Variants in SIGLEC8 observed in about 807,000 individuals in gnomAD.
SIGLEC8 encodes sialic acid binding Ig like lectin 8.
In SIGLEC8, 32 loss-of-function variants were observed where a neutral mutation model predicts 42.1. The ratio of observed to expected loss-of-function variants is 0.76; its 90% CI spans 0.57 to 1.02. The LOEUF (loss-of-function observed/expected upper bound fraction) is 1.02. SIGLEC8 is among the 50% of genes least tolerant of loss of function. SIGLEC8 has a pLI of 0.00. For synonymous variants in SIGLEC8, 262 were observed against 260.3 expected (o/e 1.01, Z -0.06); for missense variants, 611 against 610.2 (o/e 1.00, Z -0.01).
chr19:51,454,561 G>A lies in SIGLEC8; in HGVS notation c.1148+123C>T, dbSNP rs541817914. Reference sequence around the variant, plus strand: ...CTCGTGAAATGCTCACCGTGCACCCGTGAGCTCATTCTTGCCCCAAGCCCT... The same window carrying A: ...CTCGTGAAATGCTCACCGTGCACCCATGAGCTCATTCTTGCCCCAAGCCCT... On this transcript the variant is annotated intron_variant, in intron 5 of 6. Coordinates refer to ENST00000321424, the MANE Select transcript of SIGLEC8 (RefSeq NM_014442.3). This position sits in a 1 kb window ranked among gnomAD's most constrained non-coding sequence, Gnocchi z 4.7. 2.7e-5 allele frequency: 28 copies of A among 1,040,292 alleles called. No homozygotes were observed. The African/African-American group carries it at 3.2e-4, about 12-fold the overall frequency. 64.4% of individuals were successfully genotyped at this position (1,040,292 alleles called of 1,614,324 possible). A position where few individuals can be genotyped will look rare whatever the true frequency, so the allele number is the denominator to read the frequency against.
Position 51,452,327 on chromosome 19 carries a change from T to TG in SIGLEC8, c.*51dup. The stretch of plus-strand genomic sequence containing the variant: ...TTGGTTAGACAGGAGGAGGGAGCCC[T>TG]GGTGACCTACTGCATAGCATGGGGC... On this transcript the variant is annotated 3_prime_UTR_variant, in exon 7 of 7. Transcript: ENST00000321424. 6.8e-7 allele frequency: 1 copy of TG among 1,467,086 alleles called. No individual in the cohort carries two copies. The highest frequency in any genetic ancestry group is 1.4e-5 in the African/African-American group (1 of 71,326). The allele number at this position is 1,467,086 out of a possible 1,614,324, so 90.9% of individuals were successfully genotyped here. A position where few individuals can be genotyped will look rare whatever the true frequency, so the allele number is the denominator to read the frequency against.
Position 51,454,465 on chromosome 19 carries a change from A to T in SIGLEC8, c.1149-150T>A, listed in dbSNP as rs993058927. 4.8e-6 allele frequency: 7 copies of T among 1,454,474 alleles called. No individual in the cohort carries two copies. The African/African-American group carries it at 8.6e-5, about 18-fold the overall frequency. The allele number at this position is 1,454,474 out of a possible 1,614,324, so 90.1% of individuals were successfully genotyped here. A position where few individuals can be genotyped will look rare whatever the true frequency, so the allele number is the denominator to read the frequency against. ...AGTTCCAGAGACCCCAACGGTGAAA[A>T]CAGAGGCTCCTGCCTCATGGATGGT... On this transcript the variant is annotated intron_variant, in intron 5 of 6. Transcript: ENST00000321424. The surrounding 1 kb of genome is among the most constrained non-coding windows in gnomAD (Gnocchi z 4.7).
chr19:51,457,958 T>G lies in SIGLEC8; in HGVS notation c.430A>C (p.Lys144Gln), dbSNP rs375774900. Residue 144 changes from lysine (K) to glutamine (Q), a missense_variant, in exon 1 of 7, where the codon AAG becomes CAG. Coordinates refer to ENST00000321424, the MANE Select transcript of SIGLEC8 (RefSeq NM_014442.3). ...CCTGTCACAAACACAGACAGCTGCT[T>G]AGTTTTGTAATTCAACTGTGATTTG... ...SYKSQLNYKTKQLSVFVTALT... is the reference protein window; with the variant it reads ...SYKSQLNYKTQQLSVFVTALT... The G allele has an allele frequency of 6.2e-7, 1 of 1,614,032 alleles. No homozygotes were observed. Among genetic ancestry groups the G allele is most frequent in the African/African-American group, 1.3e-5 (1 of 74,922 alleles).
chr19:51,452,274 G>C lies in SIGLEC8; in HGVS notation c.*105C>G, dbSNP rs886154020. The C allele has an allele frequency of 2.1e-6, 2 of 950,054 alleles. No individual in the cohort carries two copies. The highest frequency in any genetic ancestry group is 3.1e-6 in the Non-Finnish European group (2 of 640,398). 58.9% of individuals were successfully genotyped at this position (950,054 alleles called of 1,614,324 possible). A position where few individuals can be genotyped will look rare whatever the true frequency, so the allele number is the denominator to read the frequency against. ...AGGCAGGGATGGGTCCCTGGTAGCCGGGGAAAGGGGAGACATTGGTCCAAG... is the reference window on the plus strand; with the variant it reads ...AGGCAGGGATGGGTCCCTGGTAGCCCGGGAAAGGGGAGACATTGGTCCAAG... On this transcript the variant is annotated 3_prime_UTR_variant, in exon 7 of 7. Coordinates refer to ENST00000321424, the MANE Select transcript of SIGLEC8 (RefSeq NM_014442.3).
chr19:51,454,651 GTCTC>G lies in SIGLEC8; in HGVS notation c.1148+29_1148+32del. 3.2e-6 allele frequency: 5 copies of G among 1,545,926 alleles called. No individual in the cohort carries two copies. The highest frequency in any genetic ancestry group is 1.8e-4 in the Middle Eastern group (1 of 5,600). Reference sequence around the variant, plus strand: ...CTGTTCCCGGTCTGCCCTGCCCCAGGTCTCTCTCTCCCTCCCCAGGGTCAATGCT... The same window carrying G: ...CTGTTCCCGGTCTGCCCTGCCCCAGGTCTCTCCCTCCCCAGGGTCAATGCT... On this transcript the variant is annotated intron_variant, in intron 5 of 6. Coordinates refer to ENST00000321424, the MANE Select transcript of SIGLEC8 (RefSeq NM_014442.3). The surrounding 1 kb of genome is among the most constrained non-coding windows in gnomAD (Gnocchi z 4.7).
Position 51,457,201 on chromosome 19 carries a change from A to T in SIGLEC8, c.764T>A (p.Phe255Tyr). 1 of 1,613,930 alleles carries T rather than the reference A, an allele frequency of 6.2e-7. No individual in the cohort carries two copies. The highest frequency in any genetic ancestry group is 8.5e-7 in the Non-Finnish European group (1 of 1,179,906). The change falls in exon 3 of 7, where the codon TTC becomes TAC. Residue 255 changes from phenylalanine (F) to tyrosine (Y), a missense_variant. Coordinates refer to ENST00000321424, the MANE Select transcript of SIGLEC8 (RefSeq NM_014442.3). ...TGTCCTACCTGTGGCATCTCCTTGG[A>T]AGACAGTCATGGTCAAGTTCCAAGG... Reference protein sequence around the residue: ...YPPWNLTMTVFQGDATASTAL... With the variant: ...YPPWNLTMTVYQGDATASTAL...
In SIGLEC8 at chr19:51,458,413, G is replaced by T. The variant is rs748985585; in HGVS notation, c.-26C>A. On this transcript the variant is annotated 5_prime_UTR_variant, in exon 1 of 7. Transcript: ENST00000321424. The stretch of plus-strand genomic sequence containing the variant: ...GTCTGGGTTTGAAGGCGCCAGGGCC[G>T]CCAGGGAACGTCTGTTCCTCAGGGT... 3.1e-6 allele frequency: 5 copies of T among 1,599,208 alleles called. No homozygotes were observed. The East Asian group carries it at 6.7e-5, about 21-fold the overall frequency.
chr19:51,458,004 T>A lies in SIGLEC8; in HGVS notation c.384A>T (p.Arg128Ser). The change falls in exon 1 of 7, where the codon AGA (arginine) becomes AGT (serine). Residue 128 changes from arginine to serine, a missense_variant. Transcript: ENST00000321424. ...DKGSYFFRLE[R>S]GSMKWSYKSQ... ...ATTTGTAACTCCATTTCATGCTTCC[T>A]CTCTCTAGCCGAAAGAAATATGACC... is the stretch of plus-strand genomic sequence containing the variant. 6.2e-7 allele frequency: 1 copy of A among 1,614,164 alleles called. No individual in the cohort carries two copies. Among genetic ancestry groups the A allele is most frequent in the East Asian group, 2.2e-5 (1 of 44,884 alleles).
In SIGLEC8 at chr19:51,457,661, G is replaced by A. The variant is rs1337315422; in HGVS notation, c.533C>T (p.Pro178Leu). The change falls in exon 2 of 7, where the codon CCC (proline) becomes CTC (leucine). Residue 178 changes from proline (P) to leucine (L), a missense_variant. Coordinates refer to ENST00000321424, the MANE Select transcript of SIGLEC8 (RefSeq NM_014442.3). ...GHSRNLTCSV[P>L]WACKQGTPPM... ...GGGTGTCCCCTGCTTACAGGCCCAG[G>A]GCACAGAGCAGGTCAGGTTCCTGGA... is the stretch of plus-strand genomic sequence containing the variant. 2.5e-6 allele frequency: 4 copies of A among 1,610,768 alleles called. No homozygotes were observed. Among genetic ancestry groups the A allele is most frequent in the Non-Finnish European group, 3.4e-6 (4 of 1,178,408 alleles).
intron 6 of SIGLEC8, chr19:51,453,426 G>A (rs1041912474): frequency 1.0e-5 from 10 of 982,660 alleles, no homozygotes; most frequent in African/African-American, 1.7e-5. Context: ...GCTTGGGTGC[G>A]GTGGCTCATG....
Position 51,452,379 on chromosome 19 carries a change from T to A in SIGLEC8, c.1500A>T (p.Ter500CysextTer3), listed in dbSNP as rs751099714. The A allele has an allele frequency of 6.3e-7, 1 of 1,594,092 alleles. No homozygotes were observed. The highest frequency in any genetic ancestry group is 1.7e-5 in the Admixed American group (1 of 59,632). ...HNPSSKEVRG[*>C] ...CTAGAGGGTTCTTGTTCTATGAGAA[T>A]CAGCCTCTGACTTCTTTGCTGGAGG... Residue 500 changes from the stop codon to cysteine, a stop_lost, in exon 7 of 7, where the codon TGA becomes TGT. Coordinates refer to ENST00000321424, the MANE Select transcript of SIGLEC8 (RefSeq NM_014442.3).
In SIGLEC8 at chr19:51,457,338, G is replaced by C. The variant is rs1173134374; in HGVS notation, c.734-107C>G. On this transcript the variant is annotated intron_variant, in intron 2 of 6. Coordinates refer to ENST00000321424, the MANE Select transcript of SIGLEC8 (RefSeq NM_014442.3). ...GGGAAAATGGAGTCGGCATTCTCCTGACCCCACTCCCAGCCCAGATTCTGG... is the reference window on the plus strand; with the variant it reads ...GGGAAAATGGAGTCGGCATTCTCCTCACCCCACTCCCAGCCCAGATTCTGG... 8.7e-6 allele frequency: 13 copies of C among 1,494,870 alleles called. No homozygotes were observed. In the East Asian group the frequency reaches 3.0e-4, roughly 34 times the overall value. The allele number at this position is 1,494,870 out of a possible 1,614,324, so 92.6% of individuals were successfully genotyped here.
intron 3 of SIGLEC8, 149 bp downstream of exon 3, chr19:51,457,035 G>T: frequency 1.3e-6 from 1 of 744,902 alleles, no homozygotes; most frequent in Non-Finnish European, 2.4e-6. Context: ...AGATGGTCAC[G>T]CGGGCTGGAG....
chr19:51,452,204 A>G lies in SIGLEC8; in HGVS notation c.*175T>C, dbSNP rs1322133512. 4.1e-6 allele frequency: 2 copies of G among 482,166 alleles called. No individual in the cohort carries two copies. Among genetic ancestry groups the G allele is most frequent in the East Asian group, 6.2e-5 (2 of 32,398 alleles). The allele number at this position is 482,166 out of a possible 1,614,324, so 29.9% of individuals were successfully genotyped here. A position where few individuals can be genotyped will look rare whatever the true frequency, so the allele number is the denominator to read the frequency against. The stretch of plus-strand genomic sequence containing the variant: ...TCTCTATGTGGAATCTAAAATAGTC[A>G]ACCTCAGAGAGGTCGAGAGGAGAAT... On this transcript the variant is annotated 3_prime_UTR_variant, in exon 7 of 7. Transcript: ENST00000321424.
Position 51,458,317 on chromosome 19 carries a change from C to T in SIGLEC8, c.71G>A (p.Gly24Glu). 1 of 1,614,124 alleles carries T rather than the reference C, an allele frequency of 6.2e-7. No homozygotes were observed. The highest frequency in any genetic ancestry group is 8.5e-7 in the Non-Finnish European group (1 of 1,179,988). Reference protein sequence around the residue: ...TKGMEGDRQYGDGYLLQVQEL... With the variant: ...TKGMEGDRQYEDGYLLQVQEL... Reference sequence around the variant, plus strand: ...CTGCACTTGCAGCAAGTAACCATCCCCATATTGTCTGTCTCCCTCCATCCC... The same window carrying T: ...CTGCACTTGCAGCAAGTAACCATCCTCATATTGTCTGTCTCCCTCCATCCC... The change falls in exon 1 of 7, where the codon GGG (glycine) becomes GAG (glutamate). Residue 24 changes from glycine to glutamate, a missense_variant. Physicochemically the swap from Gly to Glu is moderately conservative, Grantham distance 98. Coordinates refer to ENST00000321424, the MANE Select transcript of SIGLEC8 (RefSeq NM_014442.3).
Position 51,458,059 on chromosome 19 carries a change from C to G in SIGLEC8, c.329G>C (p.Ser110Thr). The G allele has an allele frequency of 3.1e-6, 5 of 1,614,164 alleles. No individual in the cohort carries two copies. Among genetic ancestry groups the G allele is most frequent in the Non-Finnish European group, 4.2e-6 (5 of 1,179,998 alleles). ...GDIWSNDCSLSIRDARKRDKG... is the reference protein window; with the variant it reads ...GDIWSNDCSLTIRDARKRDKG... Reference sequence around the variant, plus strand: ...ATCCCTCTTCCTGGCGTCTCTGATGCTCAGGGAGCAGTCGTTGCTCCAAAT... The same window carrying G: ...ATCCCTCTTCCTGGCGTCTCTGATGGTCAGGGAGCAGTCGTTGCTCCAAAT... The change falls in exon 1 of 7, where the codon AGC becomes ACC. Residue 110 changes from serine (S) to threonine (T), a missense_variant. Physicochemically the swap from Ser to Thr is moderately conservative, Grantham distance 58. Transcript: ENST00000321424.
chr19:51,458,030 C>T lies in SIGLEC8; in HGVS notation c.358G>A (p.Gly120Arg). 1.2e-6 allele frequency: 2 copies of T among 1,614,144 alleles called. No individual in the cohort carries two copies. Among genetic ancestry groups the T allele is most frequent in the African/African-American group, 2.7e-5 (2 of 75,024 alleles). The change falls in exon 1 of 7, where the codon GGG becomes AGG. Residue 120 changes from glycine to arginine, a missense_variant. Physicochemically the swap from Gly to Arg is moderately radical, Grantham distance 125 (BLOSUM62 -2). Transcript: ENST00000321424. ...SIRDARKRDK[G>R]SYFFRLERGS... Reference sequence around the variant, plus strand: ...CTCTCTAGCCGAAAGAAATATGACCCCTTATCCCTCTTCCTGGCGTCTCTG... The same window carrying T: ...CTCTCTAGCCGAAAGAAATATGACCTCTTATCCCTCTTCCTGGCGTCTCTG...
intron 1 of SIGLEC8, 82 bp downstream of exon 1, chr19:51,457,852 C>T (rs1989535303): frequency 6.4e-7 from 1 of 1,557,546 alleles, no homozygotes; most frequent in Non-Finnish European, 8.7e-7. Flanking sequence ...CAATCCCAAC[C>T]CCCTCCCAGG....
rs762251329 is a variant in SIGLEC8 at position 51,452,485 on chromosome 19, G to T, written c.1394C>A (p.Ala465Asp). 1.9e-5 allele frequency: 31 copies of T among 1,611,828 alleles called. 2 individuals carry two copies. In the South Asian group the frequency reaches 3.4e-4, roughly 18 times the overall value. ...VKPQDPQGQE[A>D]TDSEYSEIKI... ...GATCTCCGAGTATTCACTGTCAGTG[G>T]CCTCCTGTCCCTGCGGGTCCTGAGG... The change falls in exon 7 of 7, where the codon GCC becomes GAC. Residue 465 changes from alanine to aspartate, a missense_variant. Ala to Asp is a moderately radical substitution (Grantham distance 126). Transcript: ENST00000321424.
Sources: gnomAD v4.1 joint callset for allele counts on GRCh38, gnomAD v4.1.1 for gene constraint, Gnocchi (gnomAD v3.1) non-coding constraint, MANE v1.5 for transcripts, NCBI Gene and HGNC (gene_info 2026-07-23, HGNC 2026-07-21) for gene names.